Variants in TMEM117 observed in about 807,000 individuals in gnomAD.
TMEM117 encodes the protein transmembrane protein 117.
In TMEM117, 27 loss-of-function variants were observed where a neutral mutation model predicts 52.4. The observed-to-expected ratio is 0.51, with a 90% CI of 0.38 to 0.71. The LOEUF (loss-of-function observed/expected upper bound fraction) is 0.71. Among genes scored for constraint, TMEM117 ranks in the 30% least tolerant of loss-of-function variants. TMEM117 has a pLI of 0.00. For missense variants in TMEM117, 556 were observed against 630.5 expected (o/e 0.88, Z 1.26); for synonymous variants, 215 against 206.3 (o/e 1.04, Z -0.36).
chr12:44,074,527 TA>T (rs1947351298), intron 3 of TMEM117, among the ~76,000 whole-genome samples: 2 of 152,216 alleles, frequency 1.3e-5, no homozygotes, highest in South Asian at 4.1e-4. Context: ...GCTTATTTGC[TA>T]AGCAATTATA....
intron 3 of TMEM117, among the ~76,000 whole-genome samples, chr12:43,977,511 C>T (rs917924540): frequency 1.2e-4 from 19 of 152,150 alleles, no homozygotes; most frequent in East Asian, 5.8e-4. Flanking sequence ...CATAAAACTG[C>T]GGGTTTTATG....
At chr12:44,321,258 G>A (rs1281414948) in intron 6 of TMEM117, among the ~76,000 whole-genome samples, 12 of 152,184 alleles carry the variant, frequency 7.9e-5, no homozygotes, top group Admixed American at 7.9e-4. Context: ...CATAGACCCA[G>A]AGTAGATTGT....
chr12:44,243,857 A>C (rs143692116), intron 5 of TMEM117, among the ~76,000 whole-genome samples: 1 of 151,690 alleles, frequency 6.6e-6, no homozygotes, highest in Admixed American at 6.6e-5. Flanking sequence ...GATTCCACAC[A>C]TAAGTGAGTG....
the TMEM117 span, among the ~76,000 whole-genome samples, chr12:44,395,715 T>C: frequency 2.0e-5 from 3 of 152,176 alleles, no homozygotes; most frequent in Non-Finnish European, 4.4e-5. Flanking sequence ...GGTCTTACAG[T>C]CTTCAGCATA....
chr12:44,314,297 A>T (rs1728110369), intron 6 of TMEM117, among the ~76,000 whole-genome samples: 1 of 152,076 alleles, frequency 6.6e-6, no homozygotes, highest in Admixed American at 6.6e-5. Context: ...TTGAGGTTTT[A>T]TAATGAAGGG....
intron 5 of TMEM117, among the ~76,000 whole-genome samples, chr12:44,241,779 A>G (rs1277765588): frequency 2.0e-5 from 3 of 151,940 alleles, no homozygotes; most frequent in Non-Finnish European, 4.4e-5. Flanking sequence ...CACAGTTTTG[A>G]TATATCATTG....
the TMEM117 span, chr12:43,796,900 A>G: frequency 2.2e-6 from 3 of 1,390,470 alleles, no homozygotes; most frequent in East Asian, 6.9e-5. Flanking sequence ...TTTATAAATC[A>G]CAGTACATCA....
chr12:44,177,883 T>A (rs77907998), intron 4 of TMEM117, among the ~76,000 whole-genome samples: 2,624 of 152,288 alleles, frequency 0.017, 59 homozygotes, highest in East Asian at 0.057. Context: ...TCTCAGTATT[T>A]GAAAGTTTCT....
intron 3 of TMEM117, among the ~76,000 whole-genome samples, chr12:43,946,374 TTC>T (rs1330369672): frequency 0.014 from 750 of 53,184 alleles, 7 homozygotes; most frequent in South Asian, 0.12. Flanking sequence ...TTTGATATAA[TTC>T]TGTTTTTTTT....
At chr12:43,972,294 TG>T (rs929176739) in intron 3 of TMEM117, among the ~76,000 whole-genome samples, 1 of 151,882 alleles carries the variant, frequency 6.6e-6, no homozygotes, top group Admixed American at 6.6e-5. Flanking sequence ...GTGTGGGGGG[TG>T]GGGATGTTTC....
chr12:44,026,043 C>G lies in TMEM117; in HGVS notation c.410+81701C>G, dbSNP rs544113392. 1.2e-4 allele frequency among the ~76,000 whole-genome samples: 19 copies of G among 152,288 alleles called. No homozygotes were observed. The South Asian group carries it at 3.5e-3, about 28-fold the overall frequency. ...CTGTGGACCAATAATCTTTTCTACC[C>G]TCTGCACTGGAAACCATACTGACTG... is the stretch of plus-strand genomic sequence containing the variant. On this transcript the variant is annotated intron_variant, in intron 3 of 7. Transcript: ENST00000266534.
intron 6 of TMEM117, among the ~76,000 whole-genome samples, chr12:44,338,400 TAAAAC>T (rs1459117529): frequency 2.0e-5 from 3 of 151,992 alleles, no homozygotes; most frequent in African/African-American, 7.2e-5. Context: ...GATTTACAAA[TAAAAC>T]AAAGCTGGAA....
chr12:44,046,715 C>G (rs530976833), intron 3 of TMEM117, among the ~76,000 whole-genome samples: 1 of 152,298 alleles, frequency 6.6e-6, no homozygotes, highest in South Asian at 2.1e-4. Flanking sequence ...TTATTTCCTC[C>G]TTTTTTTGTT....
At chr12:43,940,719 T>G in intron 2 of TMEM117, among the ~76,000 whole-genome samples, 1 of 152,126 alleles carries the variant, frequency 6.6e-6, no homozygotes, top group East Asian at 1.9e-4. Flanking sequence ...TATTTTTGTA[T>G]TTTTAGTAGA....
intron 2 of TMEM117, among the ~76,000 whole-genome samples, chr12:43,928,966 T>C (rs908304029): frequency 3.9e-5 from 6 of 151,948 alleles, no homozygotes; most frequent in African/African-American, 1.5e-4. Flanking sequence ...GGTGTATATG[T>C]GCCACATTTT....
At chr12:44,055,146 A>G (rs1259082121) in intron 3 of TMEM117, among the ~76,000 whole-genome samples, 1 of 151,792 alleles carries the variant, frequency 6.6e-6, no homozygotes, top group Admixed American at 6.6e-5. Context: ...AAGTTCTGTG[A>G]TGCAAACTCT....
chr12:43,967,948 G>T (rs1418532910), intron 3 of TMEM117, among the ~76,000 whole-genome samples: 1 of 152,192 alleles, frequency 6.6e-6, no homozygotes, highest in East Asian at 1.9e-4. Flanking sequence ...TGAAGGATAA[G>T]AGTTTTTCCT....
At chr12:43,978,318 G>A (rs1945705830) in intron 3 of TMEM117, among the ~76,000 whole-genome samples, 1 of 152,134 alleles carries the variant, frequency 6.6e-6, no homozygotes, top group Admixed American at 6.5e-5. Context: ...CACACAGGGT[G>A]GGCTCAAGAG....
At chr12:44,048,179 T>TA (rs1273913359) in intron 3 of TMEM117, among the ~76,000 whole-genome samples, 2 of 152,162 alleles carry the variant, frequency 1.3e-5, no homozygotes, top group African/African-American at 2.4e-5. Flanking sequence ...CTCTTATAGT[T>TA]AGAGATTTTG....
Sources: gnomAD v4.1 joint callset for allele counts (sites outside exome capture counted in the v4.1 genomes callset) on GRCh38, gnomAD v4.1.1 for gene constraint, MANE v1.5 for transcripts, NCBI Gene and HGNC (gene_info 2026-07-23, HGNC 2026-07-21) for gene names.